GRM8: variants seen among roughly 807,000 people sequenced by gnomAD.
The protein encoded by GRM8 is glutamate metabotropic receptor 8.
Under a neutral mutation model 87.2 loss-of-function variants are expected in GRM8, and 47 were observed. That is an observed-to-expected ratio of 0.54 (90% CI 0.43 to 0.69). The LOEUF (loss-of-function observed/expected upper bound fraction) is 0.69. Ranked by LOEUF, GRM8 falls within the 30% of genes least tolerant of loss-of-function variation. The pLI is 0.00. For missense variants in GRM8, 1,019 were observed against 1,139.2 expected (o/e 0.89, Z 1.52); for synonymous variants, 396 against 404.5 (o/e 0.98, Z 0.25).
chr7:127,006,492 A>G (rs1365254245), intron 3 of GRM8, among the ~76,000 whole-genome samples: 2 of 151,956 alleles, frequency 1.3e-5, no homozygotes, highest in African/African-American at 4.8e-5. Flanking sequence ...ATCCACTCCA[A>G]TCAGACGTCT....
At chr7:126,496,322 G>T (rs1363412773) in intron 9 of GRM8, among the ~76,000 whole-genome samples, 1 of 151,868 alleles carries the variant, frequency 6.6e-6, no homozygotes, top group Non-Finnish European at 1.5e-5. Context: ...AAGAGAATCT[G>T]CAGATTTTAT....
chr7:127,226,171 A>C (rs17862327), intron 2 of GRM8, among the ~76,000 whole-genome samples: 365 of 152,318 alleles, frequency 2.4e-3, no homozygotes, highest in Non-Finnish European at 2.6e-3. Flanking sequence ...AAATTAGCAC[A>C]ATCAACTTAG....
intron 7 of GRM8, among the ~76,000 whole-genome samples, chr7:126,745,295 C>A (rs942549099): frequency 3.3e-5 from 5 of 151,590 alleles, no homozygotes; most frequent in African/African-American, 1.2e-4. Context: ...ATTTTTCAGT[C>A]CTTGCTATAC....
At chr7:126,885,697 A>G (rs1800424318) in intron 6 of GRM8, among the ~76,000 whole-genome samples, 1 of 152,190 alleles carries the variant, frequency 6.6e-6, no homozygotes, top group African/African-American at 2.4e-5. Context: ...AAATGATTCC[A>G]TATAACAAAT....
chr7:127,046,215 C>T (rs2051671), intron 3 of GRM8, among the ~76,000 whole-genome samples: 52,502 of 151,608 alleles, frequency 0.35, 9,500 homozygotes, highest in Non-Finnish European at 0.41. Flanking sequence ...ACTAAAAATA[C>T]AAAAAAATTA....
chr7:127,044,555 C>T (rs573313307), intron 3 of GRM8, among the ~76,000 whole-genome samples: 85 of 152,076 alleles, frequency 5.6e-4, no homozygotes, highest in African/African-American at 1.9e-3. Context: ...TTTGAACTAC[C>T]GTTTAGCTAA....
In GRM8 at chr7:127,242,863, C is replaced by T. The variant is rs1798387222; in HGVS notation, c.342G>A (p.Glu114=). ...ATGCCTGCACGAATGTTAGAGACTG[C>T]TCCAAAGCATAGGTGTCCCTAGAGC... ...DTCSRDTYAL[E]QSLTFVQALI... The change falls in exon 2 of 11, where the codon GAG becomes GAA. Residue 114 remains glutamate, a synonymous_variant. Transcript: ENST00000339582. 1 of 1,614,130 alleles carries T rather than the reference C, an allele frequency of 6.2e-7. No homozygotes were observed. Among genetic ancestry groups the T allele is most frequent in the Non-Finnish European group, 8.5e-7 (1 of 1,179,984 alleles).
chr7:126,727,129 ATATT>A (rs2151471954), intron 7 of GRM8, among the ~76,000 whole-genome samples: 1 of 151,912 alleles, frequency 6.6e-6, no homozygotes, highest in East Asian at 1.9e-4. Context: ...TTTAAACCAA[ATATT>A]TAAGTAGGTA....
chr7:126,541,404 A>G (rs1235245830), intron 8 of GRM8, among the ~76,000 whole-genome samples: 3 of 152,260 alleles, frequency 2.0e-5, no homozygotes, highest in Non-Finnish European at 4.4e-5. Flanking sequence ...TGGATGGAGT[A>G]GCAAGAAACA....
At chr7:126,637,321 A>AT (rs1801960676) in intron 7 of GRM8, among the ~76,000 whole-genome samples, 1 of 152,116 alleles carries the variant, frequency 6.6e-6, no homozygotes, top group Non-Finnish European at 1.5e-5. Context: ...GAATCATATA[A>AT]ATAAAAATGA....
intron 8 of GRM8, among the ~76,000 whole-genome samples, chr7:126,570,539 G>A (rs75883012): frequency 4.2e-3 from 640 of 152,282 alleles, no homozygotes; most frequent in Middle Eastern, 0.01. Context: ...CTCTAAAGAA[G>A]TTTTTATAAG....
chr7:126,626,092 TATGA>T (rs1800647159), intron 7 of GRM8, among the ~76,000 whole-genome samples: 1 of 114,516 alleles, frequency 8.7e-6, no homozygotes, highest in Non-Finnish European at 1.9e-5. Context: ...TGATTACATA[TATGA>T]GAGAAGTGTG....
intron 3 of GRM8, among the ~76,000 whole-genome samples, chr7:127,005,148 T>C (rs1346692317): frequency 1.3e-5 from 2 of 151,176 alleles, no homozygotes; most frequent in East Asian, 3.9e-4. Flanking sequence ...GGCCTAGTAT[T>C]TTGAAGTATC....
At chr7:126,935,551 C>T (rs1239337585) in intron 3 of GRM8, among the ~76,000 whole-genome samples, 1 of 152,148 alleles carries the variant, frequency 6.6e-6, no homozygotes, top group African/African-American at 2.4e-5. Context: ...AGGAGAAGAA[C>T]AATTTCAAGG....
At chr7:126,906,243 C>T (rs1305598368) in intron 3 of GRM8, among the ~76,000 whole-genome samples, 2 of 152,172 alleles carry the variant, frequency 1.3e-5, no homozygotes, top group African/African-American at 4.8e-5. Context: ...TGGCACCTTG[C>T]TCTCAGACCT....
chr7:127,091,768 C>T (rs1388566501), intron 3 of GRM8, among the ~76,000 whole-genome samples: 1 of 138,734 alleles, frequency 7.2e-6, no homozygotes, highest in Non-Finnish European at 1.6e-5. Flanking sequence ...ACTGATCATC[C>T]CTCCGCCGTC....
intron 9 of GRM8, among the ~76,000 whole-genome samples, chr7:126,527,014 C>A (rs1444396514): frequency 6.6e-6 from 1 of 152,140 alleles, no homozygotes; most frequent in African/African-American, 2.4e-5. Context: ...TAATGTGGCA[C>A]CGTTAAAAAG....
chr7:127,132,350 T>C (rs780039156), intron 2 of GRM8, among the ~76,000 whole-genome samples: 1 of 152,226 alleles, frequency 6.6e-6, no homozygotes, highest in Non-Finnish European at 1.5e-5. Context: ...AAGTTACTTT[T>C]ATTGCATTTT....
At chr7:126,549,484 C>T (rs1447922771) in intron 8 of GRM8, among the ~76,000 whole-genome samples, 1 of 152,030 alleles carries the variant, frequency 6.6e-6, no homozygotes, top group Non-Finnish European at 1.5e-5. Context: ...TCTTTTACTT[C>T]TAAATGGTCC....
Sources: gnomAD v4.1 joint callset for allele counts (sites outside exome capture counted in the v4.1 genomes callset) on GRCh38, gnomAD v4.1.1 for gene constraint, MANE v1.5 for transcripts, NCBI Gene and HGNC (gene_info 2026-07-23, HGNC 2026-07-21) for gene names.